Variants in GUCY1B1 observed in about 807,000 individuals in gnomAD.
GUCY1B1 encodes guanylate cyclase soluble subunit beta-1.
A neutral mutation model predicts 71.0 loss-of-function variants in GUCY1B1; 43 were observed. The observed-to-expected ratio is 0.61, with a 90% CI of 0.47 to 0.78. The LOEUF is 0.78. GUCY1B1 is among the 30% of genes least tolerant of loss of function. The probability of loss-of-function intolerance (pLI) is 0.00; values close to 1 mark genes in which losing one functional copy is unlikely to be tolerated. For synonymous variants in GUCY1B1, 266 were observed against 259.7 expected (o/e 1.02, Z -0.23); for missense variants, 535 against 754.1 (o/e 0.71, Z 3.40).
At chr4:155,779,385 A>G (rs1483495579) in intron 4 of GUCY1B1, among the ~76,000 whole-genome samples, 1 of 152,242 alleles carries the variant, frequency 6.6e-6, no homozygotes, top group Non-Finnish European at 1.5e-5. Flanking sequence ...AGACAGTACA[A>G]AAAGAATAAA....
At chr4:155,805,420 C>G (rs1034365762) in intron 13 of GUCY1B1, among the ~76,000 whole-genome samples, 191 bp downstream of exon 13, 1 of 152,114 alleles carries the variant, frequency 6.6e-6, no homozygotes, top group Non-Finnish European at 1.5e-5. Flanking sequence ...TTAGGGGATA[C>G]TTTAGTGATT....
chr4:155,798,931 G>A (rs530316901), intron 8 of GUCY1B1, among the ~76,000 whole-genome samples: 69 of 152,118 alleles, frequency 4.5e-4, no homozygotes, highest in Middle Eastern at 3.4e-3. Flanking sequence ...TCCTGCTCCC[G>A]GGTTCAAGCA....
At chr4:155,763,503 T>C (rs1737138059) in intron 2 of GUCY1B1, among the ~76,000 whole-genome samples, 1 of 152,122 alleles carries the variant, frequency 6.6e-6, no homozygotes, top group Admixed American at 6.6e-5. Flanking sequence ...TCAAGTGTTT[T>C]AGGCACTGAG....
chr4:155,765,406 T>C (rs1466079504), intron 2 of GUCY1B1, among the ~76,000 whole-genome samples: 1 of 152,140 alleles, frequency 6.6e-6, no homozygotes, highest in Non-Finnish European at 1.5e-5. Context: ...GCTTTTTCAT[T>C]CTCTCCTTTG....
chr4:155,780,621 T>A (rs1205249921), intron 4 of GUCY1B1, among the ~76,000 whole-genome samples: 2 of 152,168 alleles, frequency 1.3e-5, no homozygotes, highest in Non-Finnish European at 2.9e-5. Flanking sequence ...ATATCTTTTT[T>A]AAAAAAGTGA....
At chr4:155,798,887 G>T (rs1393447363) in intron 8 of GUCY1B1, among the ~76,000 whole-genome samples, 1 of 152,124 alleles carries the variant, frequency 6.6e-6, no homozygotes, top group Non-Finnish European at 1.5e-5. Context: ...ACCCAGACTG[G>T]AATGCAGTGG....
chr4:155,763,305 C>A (rs1401925464), intron 2 of GUCY1B1, among the ~76,000 whole-genome samples: 1 of 152,106 alleles, frequency 6.6e-6, no homozygotes, highest in Non-Finnish European at 1.5e-5. Flanking sequence ...CTCGGCCTCC[C>A]AAAGTATTGG....
rs554864429 is a variant in GUCY1B1 at position 155,802,968 on chromosome 4, C to T, written c.1413+389C>T. Among the ~76,000 whole-genome samples, 1 of 152,226 alleles carries T rather than the reference C, an allele frequency of 6.6e-6. No homozygotes were observed. Among genetic ancestry groups the T allele is most frequent in the Non-Finnish European group, 1.5e-5 (1 of 68,016 alleles). The stretch of plus-strand genomic sequence containing the variant: ...TTTGTACAGTAAAGAAGTCATGAAG[C>T]ATGAGAAGGACTCAGATTTGCGTTT... On this transcript the variant is annotated intron_variant, in intron 10 of 13. Transcript: ENST00000264424. This position sits in a 1 kb window ranked among gnomAD's most constrained non-coding sequence, Gnocchi z 4.3.
At chr4:155,759,212 G>A (rs1579175382) in intron 1 of GUCY1B1, 69 bp downstream of exon 1, 41 of 1,479,656 alleles carry the variant, frequency 2.8e-5, no homozygotes, top group African/African-American at 4.3e-5. Flanking sequence ...CGAGGGAACT[G>A]GCCGCGCAGC....
At chr4:155,761,031 CTT>C (rs746424837) in intron 2 of GUCY1B1, among the ~76,000 whole-genome samples, 1 of 152,156 alleles carries the variant, frequency 6.6e-6, no homozygotes, top group African/African-American at 2.4e-5. Context: ...GAAAATGTAA[CTT>C]TTCTTTCCCC....
chr4:155,800,844 C>A (rs1207985518), intron 9 of GUCY1B1, among the ~76,000 whole-genome samples: 1 of 151,982 alleles, frequency 6.6e-6, no homozygotes, highest in Admixed American at 6.6e-5. Context: ...AAACATTTGG[C>A]GGAGCTTCTA....
chr4:155,759,206 G>A, intron 1 of GUCY1B1, 63 bp downstream of exon 1: 1 of 1,497,888 alleles, frequency 6.7e-7, no homozygotes, highest in Non-Finnish European at 9.0e-7. Flanking sequence ...TGGCAGCGAG[G>A]GAACTGGCCG....
chr4:155,789,802 A>G lies in GUCY1B1; in HGVS notation c.386A>G (p.Lys129Arg). 1.2e-6 allele frequency: 2 copies of G among 1,608,990 alleles called. No individual in the cohort carries two copies. The highest frequency in any genetic ancestry group is 1.1e-5 in the South Asian group (1 of 90,990). The change falls in exon 5 of 14, where the codon AAA (lysine) becomes AGA (arginine). Residue 129 changes from lysine to arginine, a missense_variant. Coordinates refer to ENST00000264424, the MANE Select transcript of GUCY1B1 (RefSeq NM_000857.5). ...AGGTGCACTGATGCAGAAAAGGGCA[A>G]AGGACTCATTTTGCACTACTACTCA... Reference protein sequence around the residue: ...SFRCTDAEKGKGLILHYYSER... With the variant: ...SFRCTDAEKGRGLILHYYSER...
chr4:155,801,459 A>G (rs1370151147), intron 9 of GUCY1B1, among the ~76,000 whole-genome samples: 1 of 152,208 alleles, frequency 6.6e-6, no homozygotes, highest in Non-Finnish European at 1.5e-5. Context: ...TATAGCTTTA[A>G]TATTTCATAA....
chr4:155,776,734 A>G (rs958690661), intron 3 of GUCY1B1, among the ~76,000 whole-genome samples: 1 of 152,238 alleles, frequency 6.6e-6, no homozygotes, highest in Non-Finnish European at 1.5e-5. Flanking sequence ...ATTGTTTATT[A>G]AGAAAAAAGC....
chr4:155,764,051 C>T (rs1037754567), intron 2 of GUCY1B1, among the ~76,000 whole-genome samples: 1 of 152,086 alleles, frequency 6.6e-6, no homozygotes, highest in African/African-American at 2.4e-5. Context: ...TCATCATCAT[C>T]ATTTTTCATC....
chr4:155,796,277 C>A, intron 7 of GUCY1B1, 100 bp from the exon 8 acceptor site: 1 of 1,085,094 alleles, frequency 9.2e-7, no homozygotes, highest in Non-Finnish European at 1.4e-6. Context: ...ACTTATTCTG[C>A]TTTGTGGTTT....
chr4:155,773,106 C>A (rs1054663631), intron 2 of GUCY1B1, among the ~76,000 whole-genome samples: 1 of 152,192 alleles, frequency 6.6e-6, no homozygotes, highest in Non-Finnish European at 1.5e-5. Flanking sequence ...TGGCTACTTT[C>A]CTTTGTATTC....
At chr4:155,772,934 C>T (rs1447559735) in intron 2 of GUCY1B1, among the ~76,000 whole-genome samples, 1 of 152,206 alleles carries the variant, frequency 6.6e-6, no homozygotes, top group Non-Finnish European at 1.5e-5. Context: ...GGATGTAAGA[C>T]ATACCACCAT....
Sources: gnomAD v4.1 joint callset for allele counts (sites outside exome capture counted in the v4.1 genomes callset) on GRCh38, gnomAD v4.1.1 for gene constraint, Gnocchi (gnomAD v3.1) non-coding constraint, MANE v1.5 for transcripts, NCBI Gene and HGNC (gene_info 2026-07-23, HGNC 2026-07-21) for gene names.